The following DOCK8 variants were observed in gnomAD, a reference collection of about 807,000 sequenced individuals.
DOCK8 encodes dedicator of cytokinesis protein 8.
A neutral mutation model predicts 245.6 loss-of-function variants in DOCK8; 141 were observed. The ratio of observed to expected loss-of-function variants is 0.57; its 90% confidence interval spans 0.50 to 0.66. The LOEUF is 0.66. DOCK8 is among the 30% of genes least tolerant of loss of function. The probability of loss-of-function intolerance (pLI) is 0.00; values close to 1 mark genes in which losing one functional copy is unlikely to be tolerated. For synonymous variants in DOCK8, 1,168 were observed against 970.2 expected, an observed-to-expected ratio of 1.20 and a Z score of -3.79; for missense variants, 2,965 against 2,603.4, an observed-to-expected ratio of 1.14 and a Z score of -3.02.
rs1357009517 is a variant in DOCK8 at position 377,029 on chromosome 9, T to C, written c.2258T>C (p.Val753Ala). The change falls in exon 20 of 48, where the codon GTG becomes GCG. Residue 753 changes from valine to alanine, a missense_variant. Physicochemically the swap from Val to Ala is moderately conservative, Grantham distance 64. Around this residue, in one of 3 missense-constraint regions of DOCK8, gnomAD observed 2,825 missense variants for 2,453.5 expected, o/e 1.15. Transcript: ENST00000432829. ...FTLCHSLESQVTFPIRVLDQK... is the reference protein window; with the variant it reads ...FTLCHSLESQATFPIRVLDQK... ...CTCTGCCACTCCCTGGAGAGCCAGGTGACCTTCCCCATCCGCGTGCTGGAT... is the reference window on the plus strand; with the variant it reads ...CTCTGCCACTCCCTGGAGAGCCAGGCGACCTTCCCCATCCGCGTGCTGGAT... 6.2e-7 allele frequency: 1 copy of C among 1,614,060 alleles called. No individual in the cohort carries two copies. Among genetic ancestry groups the C allele is most frequent in the South Asian group, 1.1e-5 (1 of 91,080 alleles).
chr9:259,465 T>C (rs1218227728), intron 1 of DOCK8, among the ~76,000 whole-genome samples: 1 of 152,238 alleles, frequency 6.6e-6, no homozygotes, highest in East Asian at 1.9e-4. Context: ...ATAAGCATAG[T>C]AACTAACAGA....
intron 14 of DOCK8, among the ~76,000 whole-genome samples, chr9:352,617 C>T (rs902759485): frequency 3.9e-5 from 6 of 151,982 alleles, no homozygotes; most frequent in African/African-American, 1.2e-4. Flanking sequence ...GTGGCGGGCA[C>T]CTGTAATCCC....
At chr9:403,888 C>CTA (rs1174594874) in intron 26 of DOCK8, among the ~76,000 whole-genome samples, 66 of 85,034 alleles carry the variant, frequency 7.8e-4, no homozygotes, top group South Asian at 3.0e-3. Context: ...CTCTCTCTCT[C>CTA]TCTCTATATA....
In DOCK8 at chr9:317,111, C is replaced by T; in HGVS notation, c.810C>T (p.Val270=). Reference sequence around the variant, plus strand: ...AACACCTGGGCAACAGAATATTGGTCAAGTTGCTGACCTTGAAGTAAGTAT... The same window carrying T: ...AACACCTGGGCAACAGAATATTGGTTAAGTTGCTGACCTTGAAGTAAGTAT... ...PKEHLGNRIL[V]KLLTLKFEIE... The change falls in exon 7 of 48, where the codon GTC becomes GTT. Residue 270 remains valine (V), a synonymous_variant. Coordinates refer to ENST00000432829, the MANE Select transcript of DOCK8 (RefSeq NM_203447.4). The T allele has an allele frequency of 6.2e-7, 1 of 1,613,642 alleles. No homozygotes were observed. The highest frequency in any genetic ancestry group is 8.5e-7 in the Non-Finnish European group (1 of 1,179,552).
At chr9:400,265 CCACCATCACCACCACTTCCTT>C (rs2054810474) in intron 26 of DOCK8, among the ~76,000 whole-genome samples, 5 of 75,918 alleles carry the variant, frequency 6.6e-5, no homozygotes, top group African/African-American at 5.6e-4. Context: ...ACCACCACCT[CCACCATCACCACCACTTCCTT>C]CACCACCACC....
At chr9:447,435 G>A (rs533061870) in intron 44 of DOCK8, among the ~76,000 whole-genome samples, 1 of 152,228 alleles carries the variant, frequency 6.6e-6, no homozygotes, top group African/African-American at 2.4e-5. Flanking sequence ...TTTGCTTTGT[G>A]TAAGCAGAGT....
intron 29 of DOCK8, among the ~76,000 whole-genome samples, chr9:415,395 T>C (rs2055947775): frequency 6.6e-6 from 1 of 151,950 alleles, no homozygotes; most frequent in South Asian, 2.1e-4. Flanking sequence ...AAAAAAAAAA[T>C]CATGGCATAT....
rs955740785 is a variant in DOCK8 at position 286,479 on chromosome 9, G to A, written c.175G>A (p.Val59Met). 6.2e-7 allele frequency: 1 copy of A among 1,613,774 alleles called. No individual in the cohort carries two copies. Among genetic ancestry groups the A allele is most frequent in the African/African-American group, 1.3e-5 (1 of 74,892 alleles). ...SLQLPQFYDP[V>M]EPVDFEGLLM... is the part of the protein sequence containing the mutation. Reference sequence around the variant, plus strand: ...CCTCCAGCCTCAGTTTTATGACCCTGTGGAGCCAGTGGACTTTGAAGGACT... The same window carrying A: ...CCTCCAGCCTCAGTTTTATGACCCTATGGAGCCAGTGGACTTTGAAGGACT... The change falls in exon 3 of 48, where the codon GTG becomes ATG. Residue 59 changes from valine (V) to methionine (M), a missense_variant. Physicochemically the swap from Val to Met is conservative, Grantham distance 21 (BLOSUM62 1). This residue lies in a region of DOCK8 where 2,825 missense variants were observed against 2,453.5 expected (regional missense o/e 1.15). Coordinates refer to ENST00000432829, the MANE Select transcript of DOCK8 (RefSeq NM_203447.4).
In DOCK8 at chr9:434,679, C is replaced by T. The variant is rs148699411; in HGVS notation, c.4887-104C>T. 406 of 1,208,198 alleles carry T rather than the reference C, an allele frequency of 3.4e-4. No homozygotes were observed. In the African/African-American group the frequency reaches 5.4e-3, roughly 16 times the overall value. 74.8% of individuals were successfully genotyped at this position (1,208,198 alleles called of 1,614,324 possible). ...GGGCAAAATCTCAGGTGGAGGGGTA[C>T]AGGGAACTCTTGGGGAGAAAAAAAG... On this transcript the variant is annotated intron_variant, in intron 38 of 47. Transcript: ENST00000432829.
At chr9:315,264 ATT>A (rs970111701) in intron 6 of DOCK8, among the ~76,000 whole-genome samples, 1 of 152,146 alleles carries the variant, frequency 6.6e-6, no homozygotes, top group African/African-American at 2.4e-5. Context: ...ATTTATATAT[ATT>A]TTTAGGATGA....
chr9:371,503 C>T lies in DOCK8; in HGVS notation c.1944C>T (p.Thr648=), dbSNP rs2053284079. The T allele has an allele frequency of 2.5e-6, 4 of 1,614,106 alleles. No homozygotes were observed. The highest frequency in any genetic ancestry group is 1.7e-5 in the Admixed American group (1 of 60,008). ...KLTVNHHLLF[T]FYHISCQQKQ... ...CAGTAAATCACCACCTCCTGTTCAC[C>T]TTCTACCATATCAGCTGTCAGCAGA... The change falls in exon 17 of 48, where the codon ACC becomes ACT. Residue 648 remains threonine, a synonymous_variant. Coordinates refer to ENST00000432829, the MANE Select transcript of DOCK8 (RefSeq NM_203447.4).
chr9:437,670 T>A (rs868750139), intron 39 of DOCK8, among the ~76,000 whole-genome samples: 1 of 146,722 alleles, frequency 6.8e-6, no homozygotes, highest in South Asian at 2.1e-4. Context: ...TCCAATGAAA[T>A]AGAGCTTTTG....
At position 336,688 on chromosome 9, in the gene DOCK8, C is replaced by T. The variant is rs761796445; in HGVS notation, c.1392C>T (p.Ser464=). 18 of 1,614,040 alleles carry T rather than the reference C, an allele frequency of 1.1e-5. No individual in the cohort carries two copies. Among genetic ancestry groups the T allele is most frequent in the Non-Finnish European group, 1.4e-5 (17 of 1,179,980 alleles). The change falls in exon 12 of 48, where the codon TCC becomes TCT. Residue 464 remains serine (S), a synonymous_variant. Transcript: ENST00000432829. ...ENGVGSNFKT[S]TLSVSSFFKQ... ...GGGTTGGATCCAACTTCAAAACCTCCACTCTGAGCGTTAGCAGCTTTTTCA... is the reference window on the plus strand; with the variant it reads ...GGGTTGGATCCAACTTCAAAACCTCTACTCTGAGCGTTAGCAGCTTTTTCA...
chr9:311,781 G>C (rs1195428020), intron 5 of DOCK8, among the ~76,000 whole-genome samples, 173 bp from the exon 6 acceptor site: 1 of 152,178 alleles, frequency 6.6e-6, no homozygotes, highest in East Asian at 1.9e-4. Context: ...GAGTAGTCCA[G>C]CCAGGAAGCT....
chr9:277,000 A>G, intron 2 of DOCK8: 2 of 333,850 alleles, frequency 6.0e-6, no homozygotes, highest in Admixed American at 3.1e-5. Context: ...GTAGAGACGG[A>G]GTTTCTCCAT....
chr9:377,425 T>C (rs2053565328), intron 20 of DOCK8, among the ~76,000 whole-genome samples: 1 of 152,226 alleles, frequency 6.6e-6, no homozygotes, highest in African/African-American at 2.4e-5. Context: ...GTTCTTAATA[T>C]TATAGCTTTT....
chr9:377,958 A>G (rs963609578), intron 20 of DOCK8, among the ~76,000 whole-genome samples: 18 of 152,172 alleles, frequency 1.2e-4, no homozygotes, highest in African/African-American at 4.1e-4. Flanking sequence ...GGGCATCTTT[A>G]TTTGCCACCA....
Position 396,346 on chromosome 9 carries a change from T to G in DOCK8, c.2971-439T>G, listed in dbSNP as rs902181613. 2.6e-5 allele frequency among the ~76,000 whole-genome samples: 4 copies of G among 152,284 alleles called. No homozygotes were observed. In the South Asian group the frequency reaches 8.3e-4, roughly 32 times the overall value. The stretch of plus-strand genomic sequence containing the variant: ...AACATTTCTCCCACGTTCTCCTTAC[T>G]GTAGTTTCAGGAACAGAAAAGACTT... On this transcript the variant is annotated intron_variant, in intron 24 of 47. Transcript: ENST00000432829.
chr9:260,485 C>T (rs528106720), intron 1 of DOCK8, among the ~76,000 whole-genome samples: 1 of 152,294 alleles, frequency 6.6e-6, no homozygotes, highest in Admixed American at 6.5e-5. Context: ...GTATTTTGTG[C>T]ACTTTCTTTA....
Sources: allele counts gnomAD v4.1 joint callset (sites outside exome capture counted in the v4.1 genomes callset), GRCh38; gene constraint gnomAD v4.1.1; regional missense constraint gnomAD v4.1.1; transcripts MANE v1.5; gene names NCBI Gene and HGNC (gene_info 2026-07-23, HGNC 2026-07-21).